The following GLRA3 variants were observed in gnomAD, a reference collection of about 807,000 sequenced individuals.
GLRA3 encodes glycine receptor alpha 3, also known as glycine receptor subunit alpha-3.
In GLRA3, 44 loss-of-function variants were observed where a neutral mutation model predicts 60.4. The observed-to-expected ratio is 0.73, with a 90% CI of 0.57 to 0.94. The LOEUF (loss-of-function observed/expected upper bound fraction) is 0.94. Ranked by LOEUF, GLRA3 falls within the 40% of genes least tolerant of loss-of-function variation. The pLI is 0.00. For synonymous variants in GLRA3, 223 were observed against 192.9 expected, an observed-to-expected ratio of 1.16 and a Z score of -1.29; for missense variants, 508 against 564.6, an observed-to-expected ratio of 0.90 and a Z score of 1.02.
intron 5 of GLRA3, among the ~76,000 whole-genome samples, chr4:174,687,912 A>G (rs559250169): frequency 5.9e-5 from 9 of 152,264 alleles, no homozygotes; most frequent in African/African-American, 1.7e-4. Context: ...AAAGAGTAGG[A>G]AGAGTTCATT....
chr4:174,731,809 AAG>A (rs1736557036), intron 3 of GLRA3, among the ~76,000 whole-genome samples: 1 of 152,196 alleles, frequency 6.6e-6, no homozygotes, highest in Admixed American at 6.5e-5. Flanking sequence ...AATTGAGAAA[AAG>A]AGAAACAACT....
intron 1 of GLRA3, among the ~76,000 whole-genome samples, chr4:174,816,905 C>T (rs1030004341): frequency 6.6e-6 from 1 of 152,080 alleles, no homozygotes; most frequent in African/African-American, 2.4e-5. Context: ...TTGATACAGG[C>T]ATGTGATATG....
In GLRA3 at chr4:174,640,650, A is replaced by T. The variant is rs891955370; in HGVS notation, c.*3136T>A. The T allele has an allele frequency of 1.3e-5, 2 of 150,900 alleles. No individual in the cohort carries two copies. The highest frequency in any genetic ancestry group is 3.0e-5 in the Non-Finnish European group (2 of 67,598). 9.3% of individuals were successfully genotyped at this position (150,900 alleles called of 1,614,324 possible). On this transcript the variant is annotated 3_prime_UTR_variant, in exon 10 of 10. Coordinates refer to ENST00000274093, the MANE Select transcript of GLRA3 (RefSeq NM_006529.4). ...TGTTAGTTAAACATTTAGATTATTC[A>T]TTTTTTTTTCTAAAATTTCCCTTAC...
intron 2 of GLRA3, among the ~76,000 whole-genome samples, chr4:174,779,744 A>C (rs373238761): frequency 3.9e-5 from 6 of 152,048 alleles, no homozygotes; most frequent in South Asian, 2.1e-4. Flanking sequence ...GAAATGAAGC[A>C]AGAAGGGAAG....
At chr4:174,668,937 G>T (rs533355582) in intron 7 of GLRA3, among the ~76,000 whole-genome samples, 44 of 152,046 alleles carry the variant, frequency 2.9e-4, no homozygotes, top group Non-Finnish European at 3.5e-4. Flanking sequence ...CTGGTGGATT[G>T]CCCTAGTTCC....
chr4:174,817,199 A>G (rs1467139708), intron 1 of GLRA3, among the ~76,000 whole-genome samples: 1 of 152,202 alleles, frequency 6.6e-6, no homozygotes, highest in Non-Finnish European at 1.5e-5. Context: ...AAAATCTTTA[A>G]CATCTTGGAA....
chr4:174,718,099 C>T (rs1179344168), intron 4 of GLRA3, among the ~76,000 whole-genome samples: 1 of 152,168 alleles, frequency 6.6e-6, no homozygotes, highest in African/African-American at 2.4e-5. Flanking sequence ...TGTAGGACTT[C>T]GGTCATAAAT....
chr4:174,727,090 C>A (rs1240790660), intron 4 of GLRA3, among the ~76,000 whole-genome samples: 1 of 152,136 alleles, frequency 6.6e-6, no homozygotes, highest in Non-Finnish European at 1.5e-5. Flanking sequence ...TGATGTCACC[C>A]TGTCACTTTT....
At chr4:174,820,471 C>T (rs1740699985) in intron 1 of GLRA3, among the ~76,000 whole-genome samples, 3 of 152,078 alleles carry the variant, frequency 2.0e-5, no homozygotes, top group South Asian at 4.1e-4. Flanking sequence ...TATTTTGGTC[C>T]CTGCCCTCAA....
chr4:174,727,963 C>A (rs1176157327), intron 4 of GLRA3, among the ~76,000 whole-genome samples: 1 of 151,990 alleles, frequency 6.6e-6, no homozygotes, highest in Non-Finnish European at 1.5e-5. Flanking sequence ...CAAATCATCA[C>A]TTTGCAGCAT....
At chr4:174,703,709 G>A (rs953111075) in intron 5 of GLRA3, among the ~76,000 whole-genome samples, 7 of 152,040 alleles carry the variant, frequency 4.6e-5, no homozygotes, top group Admixed American at 1.3e-4. Context: ...ATCTAATGCC[G>A]CTCACTTATC....
rs542393766 is a variant in GLRA3, at chr4:174,806,242, C to G, written c.72-17299G>C. On this transcript the variant is annotated intron_variant, in intron 1 of 9. Coordinates refer to ENST00000274093, the MANE Select transcript of GLRA3 (RefSeq NM_006529.4). The stretch of plus-strand genomic sequence containing the variant: ...ATCTCATTATACTAATCGCTGCATG[C>G]GTAAGACTTTCAAAAAAACAAGGTG... Among the ~76,000 whole-genome samples, 19 of 152,130 alleles carry G rather than the reference C, an allele frequency of 1.2e-4. 1 individual carries two copies. Among genetic ancestry groups the G allele is most frequent in the Admixed American group, 1.2e-3 (18 of 15,264 alleles).
chr4:174,773,081 A>G (rs73006456), intron 2 of GLRA3, among the ~76,000 whole-genome samples: 50 of 152,308 alleles, frequency 3.3e-4, no homozygotes, highest in African/African-American at 1.1e-3. Flanking sequence ...TTCTATTGCC[A>G]TTACAGAGAG....
At chr4:174,693,573 G>A (rs1734941582) in intron 5 of GLRA3, among the ~76,000 whole-genome samples, 1 of 152,124 alleles carries the variant, frequency 6.6e-6, no homozygotes, top group East Asian at 1.9e-4. Context: ...TTGTAGTATA[G>A]TTTAAAGTTG....
chr4:174,686,033 T>C (rs1018574764), intron 5 of GLRA3, among the ~76,000 whole-genome samples: 7 of 152,226 alleles, frequency 4.6e-5, no homozygotes, highest in African/African-American at 1.7e-4. Flanking sequence ...TGTATCTTGC[T>C]TTTGTTTAAA....
At chr4:174,716,192 C>T (rs377161753) in intron 4 of GLRA3, among the ~76,000 whole-genome samples, 7 of 152,224 alleles carry the variant, frequency 4.6e-5, no homozygotes, top group East Asian at 1.9e-4. Flanking sequence ...TTGAAAAGTT[C>T]GGCCTCATGT....
intron 3 of GLRA3, among the ~76,000 whole-genome samples, chr4:174,744,550 G>A (rs1737160996): frequency 6.6e-6 from 1 of 152,190 alleles, no homozygotes; most frequent in Non-Finnish European, 1.5e-5. Flanking sequence ...CACCAATGCT[G>A]TTTATAGTCA....
At chr4:174,739,424 A>G (rs986309744) in intron 3 of GLRA3, among the ~76,000 whole-genome samples, 5 of 142,920 alleles carry the variant, frequency 3.5e-5, no homozygotes, top group African/African-American at 1.5e-4. Flanking sequence ...ATTCCACTTC[A>G]CTTTTTTGTG....
intron 3 of GLRA3, among the ~76,000 whole-genome samples, chr4:174,732,348 C>T (rs1001618069): frequency 1.3e-5 from 2 of 148,888 alleles, no homozygotes; most frequent in Admixed American, 6.7e-5. Context: ...AGCGAGACTC[C>T]GACTCAAAAA....
Sources: gnomAD v4.1 joint callset for allele counts (sites outside exome capture counted in the v4.1 genomes callset) on GRCh38, gnomAD v4.1.1 for gene constraint, MANE v1.5 for transcripts, NCBI Gene and HGNC (gene_info 2026-07-23, HGNC 2026-07-21) for gene names.